TRAPPC9: variants seen among roughly 807,000 people sequenced by gnomAD.
The protein encoded by TRAPPC9 is IKK2 binding protein.
A neutral mutation model predicts 124.0 loss-of-function variants in TRAPPC9; 83 were observed. The observed-to-expected ratio is 0.67, with a 90% CI of 0.56 to 0.80. The LOEUF (loss-of-function observed/expected upper bound fraction) is 0.80, where lower values mean the gene tolerates loss of function less well. TRAPPC9 is among the 30% of genes least tolerant of loss of function. The pLI is 0.00. For synonymous variants in TRAPPC9, 638 were observed against 617.5 expected, an observed-to-expected ratio of 1.03 and a Z score of -0.49; for missense variants, 1,302 against 1,508.3, an observed-to-expected ratio of 0.86 and a Z score of 2.27.
At chr8:139,846,179 A>G (rs1164024183) in intron 21 of TRAPPC9, among the ~76,000 whole-genome samples, 1 of 152,240 alleles carries the variant, frequency 6.6e-6, no homozygotes, top group Non-Finnish European at 1.5e-5. Flanking sequence ...TGGTGCCGGA[A>G]GCGGTAGAGG....
chr8:139,964,224 C>CCAAA (rs1491481364), intron 19 of TRAPPC9, among the ~76,000 whole-genome samples: 1 of 67,670 alleles, frequency 1.5e-5, no homozygotes, highest in Non-Finnish European at 2.9e-5. Context: ...GACTCTGTCT[C>CCAAA]AAAAAAAAAA....
chr8:139,799,378 A>G (rs1478624570), intron 21 of TRAPPC9, among the ~76,000 whole-genome samples: 1 of 152,172 alleles, frequency 6.6e-6, no homozygotes, highest in African/African-American at 2.4e-5. Context: ...AGATGAGGAC[A>G]TGCCTATCTT....
rs1237214726 is a variant in TRAPPC9 at position 139,747,657 on chromosome 8, C to G, written c.3056-15455G>C. 1.3e-3 allele frequency among the ~76,000 whole-genome samples: 15 copies of G among 11,604 alleles called. 1 individual carries two copies. The highest frequency in any genetic ancestry group is 3.0e-3 in the Admixed American group (2 of 668). 7.6% of individuals were successfully genotyped at this position (11,604 alleles called of 152,430 possible). On this transcript the variant is annotated intron_variant, in intron 21 of 22. Coordinates refer to ENST00000438773, the MANE Select transcript of TRAPPC9 (RefSeq NM_001160372.4). ...CAGGGGGTATACACAGCAGGTGTCACAGCAGGTTGGGGGGGCATACAGGGG... is the reference window on the plus strand; with the variant it reads ...CAGGGGGTATACACAGCAGGTGTCAGAGCAGGTTGGGGGGGCATACAGGGG...
intron 19 of TRAPPC9, chr8:139,932,506 T>C: frequency 2.2e-6 from 1 of 456,752 alleles, no homozygotes; most frequent in Non-Finnish European, 4.4e-6. Context: ...CTCACGCCTG[T>C]AATCCCAGCA....
At chr8:140,227,938 C>T (rs2063493241) in intron 16 of TRAPPC9, among the ~76,000 whole-genome samples, 1 of 152,226 alleles carries the variant, frequency 6.6e-6, no homozygotes, top group Non-Finnish European at 1.5e-5. Context: ...CCCAGCAAAA[C>T]TGACCCAAGG....
At chr8:140,330,872 G>T (rs1186242523) in intron 9 of TRAPPC9, among the ~76,000 whole-genome samples, 2 of 151,822 alleles carry the variant, frequency 1.3e-5, no homozygotes, top group South Asian at 4.2e-4. Context: ...CACCCAGACT[G>T]CCCCAAAATG....
intron 14 of TRAPPC9, among the ~76,000 whole-genome samples, chr8:140,278,068 C>A (rs1213287906): frequency 2.0e-5 from 3 of 152,038 alleles, no homozygotes; most frequent in African/African-American, 4.8e-5. Context: ...CTGCCCTCCC[C>A]ACCCCTGCAC....
chr8:140,164,718 T>G (rs1354175710), intron 17 of TRAPPC9, among the ~76,000 whole-genome samples: 2 of 152,100 alleles, frequency 1.3e-5, no homozygotes, highest in Non-Finnish European at 1.5e-5. Flanking sequence ...CAGGTGGAAC[T>G]CCGCATGGGC....
At chr8:140,126,841 G>T (rs1313710246) in intron 17 of TRAPPC9, among the ~76,000 whole-genome samples, 1 of 152,140 alleles carries the variant, frequency 6.6e-6, no homozygotes, top group Non-Finnish European at 1.5e-5. Flanking sequence ...ACTCACGGGC[G>T]CTGTGACCCT....
intron 7 of TRAPPC9, among the ~76,000 whole-genome samples, chr8:140,392,490 CTATGTT>C (rs1255348876): frequency 1.3e-5 from 2 of 152,200 alleles, no homozygotes; most frequent in Non-Finnish European, 2.9e-5. Flanking sequence ...TCACAATTAT[CTATGTT>C]TATGTTTATC....
At chr8:139,756,900 T>A (rs1324571811) in intron 21 of TRAPPC9, among the ~76,000 whole-genome samples, 3 of 129,142 alleles carry the variant, frequency 2.3e-5, no homozygotes, top group Non-Finnish European at 4.9e-5. Context: ...GAGCCAGGGT[T>A]TGGGGATGAG....
At chr8:139,778,476 A>G (rs1017855229) in intron 21 of TRAPPC9, among the ~76,000 whole-genome samples, 1 of 152,232 alleles carries the variant, frequency 6.6e-6, no homozygotes, top group Non-Finnish European at 1.5e-5. Flanking sequence ...ACAACCAATC[A>G]AAACAGGCCC....
At chr8:140,089,049 T>C (rs1026403792) in intron 17 of TRAPPC9, among the ~76,000 whole-genome samples, 3 of 152,118 alleles carry the variant, frequency 2.0e-5, no homozygotes, top group Non-Finnish European at 4.4e-5. Flanking sequence ...AAAATGAAAA[T>C]CATATTTAAG....
chr8:139,785,386 C>T (rs1189494001), intron 21 of TRAPPC9, among the ~76,000 whole-genome samples: 2 of 152,168 alleles, frequency 1.3e-5, no homozygotes, highest in African/African-American at 4.8e-5. Context: ...AGATACGACA[C>T]CAAAAGCACA....
intron 14 of TRAPPC9, 31 bp downstream of exon 14, chr8:140,283,858 C>T (rs201157726): frequency 1.9e-6 from 3 of 1,613,448 alleles, no homozygotes; most frequent in Non-Finnish European, 2.5e-6. Flanking sequence ...GCCTCAGAGC[C>T]ACTCTGCTCT....
In TRAPPC9 at chr8:140,299,067, C is replaced by T. The variant is rs116155081; in HGVS notation, c.1768+1402G>A. Among the ~76,000 whole-genome samples the T allele has an allele frequency of 4.0e-3, 616 of 152,304 alleles. 8 individuals are homozygous for T. The highest frequency in any genetic ancestry group is 0.014 in the African/African-American group (601 of 41,554). On this transcript the variant is annotated intron_variant, in intron 11 of 22. Transcript: ENST00000438773. ...CCTGCAAGGCGCTGGGATCAGAGAA[C>T]ACCCCTCTGAGGGAGGGGGCATTTG...
intron 21 of TRAPPC9, among the ~76,000 whole-genome samples, chr8:139,786,249 G>A (rs761651309): frequency 6.6e-6 from 1 of 152,140 alleles, no homozygotes; most frequent in Non-Finnish European, 1.5e-5. Flanking sequence ...ATAGGCAAAA[G>A]AGTTGATAGA....
chr8:140,088,295 G>A (rs925129572), intron 17 of TRAPPC9, among the ~76,000 whole-genome samples: 1 of 152,160 alleles, frequency 6.6e-6, no homozygotes, highest in Non-Finnish European at 1.5e-5. Flanking sequence ...TAGGTGCTCA[G>A]TATTTGTTAA....
intron 14 of TRAPPC9, among the ~76,000 whole-genome samples, chr8:140,278,857 G>A (rs566676765): frequency 1.3e-5 from 2 of 152,352 alleles, no homozygotes; most frequent in Admixed American, 1.3e-4. Flanking sequence ...CTCGGCAGAG[G>A]CCTTTCCTGA....
Sources: allele counts gnomAD v4.1 joint callset (sites outside exome capture counted in the v4.1 genomes callset), GRCh38; gene constraint gnomAD v4.1.1; transcripts MANE v1.5; gene names NCBI Gene and HGNC (gene_info 2026-07-23, HGNC 2026-07-21).